LPO: variants seen among roughly 807,000 people sequenced by gnomAD.
LPO encodes lactoperoxidase, also known as salivary peroxidase.
A neutral mutation model predicts 68.4 loss-of-function variants in LPO; 70 were observed. That is an observed-to-expected ratio of 1.02 (90% CI 0.84 to 1.25). LPO has a LOEUF of 1.25. Ranked by LOEUF, LPO falls within the 50% of genes most tolerant of loss-of-function variation. LPO has a pLI of 0.00. For synonymous variants in LPO, 360 were observed against 357.6 expected, an observed-to-expected ratio of 1.01 and a Z score of -0.08; for missense variants, 873 against 908.4, an observed-to-expected ratio of 0.96 and a Z score of 0.50.
chr17:58,265,387 G>A (rs1316458091), intron 10 of LPO, among the ~76,000 whole-genome samples: 1 of 152,046 alleles, frequency 6.6e-6, no homozygotes, highest in Non-Finnish European at 1.5e-5. Flanking sequence ...TCATAGAGGT[G>A]CCAGAGGTTG....
chr17:58,263,631 TG>T (rs1970210269), intron 9 of LPO, among the ~76,000 whole-genome samples: 1 of 151,820 alleles, frequency 6.6e-6, no homozygotes, highest in Non-Finnish European at 1.5e-5. Flanking sequence ...CTCAGCTACT[TG>T]GGGGTGCTGA....
intron 1 of LPO, among the ~76,000 whole-genome samples, chr17:58,239,043 G>A (rs1969709116): frequency 6.6e-6 from 1 of 152,126 alleles, no homozygotes; most frequent in Admixed American, 6.5e-5. Context: ...TTTAGGAACT[G>A]AGACTTAAGC....
In LPO at chr17:58,244,030, T is replaced by G. The variant is rs372832140; in HGVS notation, c.113T>G (p.Val38Gly). 7.8e-5 allele frequency: 126 copies of G among 1,613,376 alleles called. No homozygotes were observed. The highest frequency in any genetic ancestry group is 1.1e-5 in the Non-Finnish European group (13 of 1,179,958). The change falls in exon 3 of 13, where the codon GTG becomes GGG. Residue 38 changes from valine to glycine, a missense_variant. By Grantham distance (109) the Val-to-Gly change is moderately radical. Transcript: ENST00000262290. ...AGAACCTCTGCCATCTCCGATACTG[T>G]GAGTCAGGCCAAGGTCCAAGTCAAC... ...TTRTSAISDTVSQAKVQVNKA... is the reference protein window; with the variant it reads ...TTRTSAISDTGSQAKVQVNKA...
intron 3 of LPO, among the ~76,000 whole-genome samples, chr17:58,246,720 C>T (rs919707978): frequency 6.6e-6 from 1 of 152,160 alleles, no homozygotes; most frequent in Non-Finnish European, 1.5e-5. Context: ...CCCTCTGGGA[C>T]CCGGCTGATG....
At chr17:58,257,465 A>G (rs1282291538) in intron 9 of LPO, among the ~76,000 whole-genome samples, 2 of 152,176 alleles carry the variant, frequency 1.3e-5, no homozygotes, top group South Asian at 2.1e-4. Flanking sequence ...GTTACAATTG[A>G]CTAGATTTCA....
chr17:58,266,420 A>T, intron 11 of LPO, 94 bp downstream of exon 11: 1 of 1,360,062 alleles, frequency 7.4e-7, no homozygotes, highest in Non-Finnish European at 1.0e-6. Context: ...GGATCTGATC[A>T]TCTGATCAAT....
At chr17:58,243,162 A>G (rs1969789021) in intron 2 of LPO, 107 bp downstream of exon 2, 1 of 1,123,268 alleles carries the variant, frequency 8.9e-7, no homozygotes, top group Non-Finnish European at 1.3e-6. Flanking sequence ...GGAGGATAGA[A>G]GTCCAAAATC....
chr17:58,266,468 G>GTTT, intron 11 of LPO, 142 bp downstream of exon 11: 2 of 820,680 alleles, frequency 2.4e-6, no homozygotes, highest in Non-Finnish European at 3.5e-6. Context: ...TTTGTTTGAG[G>GTTT]TTTTTTTTTT....
rs1970301084 is a variant in LPO, at chr17:58,267,788, T to C, written c.1933T>C (p.Phe645Leu). ...QFQQIRDGDRFWWENPGVFTN... is the reference protein window; with the variant it reads ...QFQQIRDGDRLWWENPGVFTN... The stretch of plus-strand genomic sequence containing the variant: ...GTGACTCTACTTCTGTCTCTGCAGG[T>C]TCTGGTGGGAAAACCCTGGGGTCTT... Residue 645 changes from phenylalanine (F) to leucine (L), a missense_variant and splice_region_variant, in exon 13 of 13, where the codon TTC (phenylalanine) becomes CTC (leucine). By Grantham distance (22) the Phe-to-Leu change is conservative. Transcript: ENST00000262290. 1.9e-6 allele frequency: 3 copies of C among 1,613,850 alleles called. No homozygotes were observed. The highest frequency in any genetic ancestry group is 2.5e-6 in the Non-Finnish European group (3 of 1,179,858).
intron 9 of LPO, among the ~76,000 whole-genome samples, chr17:58,260,409 G>C (rs140021411): frequency 6.6e-6 from 1 of 152,148 alleles, no homozygotes; most frequent in Non-Finnish European, 1.5e-5. Flanking sequence ...CTTCCTAGTG[G>C]CTCAAACTTC....
chr17:58,267,140 A>T (rs747400008), intron 11 of LPO, among the ~76,000 whole-genome samples: 15 of 152,242 alleles, frequency 9.9e-5, no homozygotes, highest in Non-Finnish European at 1.9e-4. Flanking sequence ...CATAACTTTC[A>T]TGATTGCTTA....
chr17:58,244,552 G>T, intron 3 of LPO: 1 of 163,978 alleles, frequency 6.1e-6, no homozygotes, highest in Admixed American at 6.0e-5. Context: ...GAAGGGGGAG[G>T]TTAGACAAAT....
At chr17:58,254,512 T>G in intron 8 of LPO, 1 of 217,280 alleles carries the variant, frequency 4.6e-6, no homozygotes, top group Non-Finnish European at 9.1e-6. Flanking sequence ...CCACTAGCCT[T>G]TGTCACAGTG....
chr17:58,243,167 A>C, intron 2 of LPO, 112 bp downstream of exon 2: 1 of 1,045,936 alleles, frequency 9.6e-7, no homozygotes, highest in Non-Finnish European at 1.4e-6. Flanking sequence ...ATAGAAGTCC[A>C]AAATCAAGGT....
In LPO at chr17:58,268,407, A is replaced by G. The variant is rs1488140859; in HGVS notation, c.*413A>G. 2.1e-5 allele frequency: 4 copies of G among 194,412 alleles called. No homozygotes were observed. The highest frequency in any genetic ancestry group is 4.2e-5 in the Non-Finnish European group (4 of 94,222). The allele number at this position is 194,412 out of a possible 1,614,324, so 12.0% of individuals were successfully genotyped here. A position where few individuals can be genotyped will look rare whatever the true frequency, so the allele number is the denominator to read the frequency against. ...CCTAGCATGGTGCACAGCACATTAG[A>G]AGTGCTCAAAAACATCTGATGACTG... On this transcript the variant is annotated 3_prime_UTR_variant, in exon 13 of 13. Transcript: ENST00000262290.
chr17:58,256,409 T>G (rs1273400445), intron 9 of LPO, among the ~76,000 whole-genome samples: 3 of 125,574 alleles, frequency 2.4e-5, no homozygotes, highest in South Asian at 2.7e-4. Context: ...TTTTAGGTGT[T>G]TTTTTTTTTT....
chr17:58,251,662 A>G (rs1969961036), intron 7 of LPO: 2 of 354,040 alleles, frequency 5.6e-6, no homozygotes, highest in South Asian at 4.3e-5. Context: ...TGAATCCTAC[A>G]TCTTTCCCTT....
chr17:58,242,762 T>C, intron 1 of LPO: 1 of 501,858 alleles, frequency 2.0e-6, no homozygotes. Context: ...CTGAGTTCTT[T>C]CCCTTCCACC....
rs554277447 is a variant in LPO, at chr17:58,252,195, A to G, written c.794A>G (p.Asp265Gly). ...CTCTCTCTGCAGTTCCCACCCAATG[A>G]CCCCAAGGCGGGGACTCAAGGGAAA... Reference protein sequence around the residue: ...NCFPIMFPPNDPKAGTQGKCM... With the variant: ...NCFPIMFPPNGPKAGTQGKCM... Residue 265 changes from aspartate (D) to glycine (G), a missense_variant, in exon 8 of 13, where the codon GAC becomes GGC. By Grantham distance (94) the Asp-to-Gly change is moderately conservative. Coordinates refer to ENST00000262290, the MANE Select transcript of LPO (RefSeq NM_006151.3). The G allele has an allele frequency of 6.2e-7, 1 of 1,613,382 alleles. No homozygotes were observed. Among genetic ancestry groups the G allele is most frequent in the Non-Finnish European group, 8.5e-7 (1 of 1,179,676 alleles).
Sources: allele counts gnomAD v4.1 joint callset (sites outside exome capture counted in the v4.1 genomes callset), GRCh38; gene constraint gnomAD v4.1.1; transcripts MANE v1.5; gene names NCBI Gene and HGNC (gene_info 2026-07-23, HGNC 2026-07-21).